The following DENND6B variants were observed in gnomAD, a reference collection of about 807,000 sequenced individuals.
DENND6B encodes the protein protein DENND6B.
DENND6B carries 73 observed loss-of-function variants against 85.1 expected under a neutral mutation model. The ratio of observed to expected loss-of-function variants is 0.86; its 90% CI spans 0.71 to 1.04. The LOEUF (loss-of-function observed/expected upper bound fraction) is 1.04. Among genes scored for constraint, DENND6B ranks in the 50% least tolerant of loss-of-function variants. DENND6B has a pLI of 0.00. For synonymous variants in DENND6B, 357 were observed against 329.3 expected, an observed-to-expected ratio of 1.08 and a Z score of -0.91; for missense variants, 715 against 785.8, an observed-to-expected ratio of 0.91 and a Z score of 1.08.
At chr22:50,323,959 A>C (rs552512297) in intron 1 of DENND6B, among the ~76,000 whole-genome samples, 1 of 152,096 alleles carries the variant, frequency 6.6e-6, no homozygotes, top group East Asian at 1.9e-4. Flanking sequence ...AGTCTGGAAC[A>C]CCTGGCCTCA....
Position 50,316,220 on chromosome 22 carries a change from G to A in DENND6B, c.593C>T (p.Ala198Val), listed in dbSNP as rs201514629. The A allele has an allele frequency of 5.1e-5, 82 of 1,609,608 alleles. No homozygotes were observed. In the African/African-American group the frequency reaches 8.8e-4, roughly 17 times the overall value. Reference protein sequence around the residue: ...CSEIDQWPAPAPGQTLNLPVM... With the variant: ...CSEIDQWPAPVPGQTLNLPVM... ...AGGTAGGTTCAGGGTCTGCCCAGGT[G>A]CAGGCGCCGGCCACTGGTCGATCTC... Residue 198 changes from alanine (A) to valine (V), a missense_variant, in exon 7 of 20, where the codon GCA becomes GTA. Transcript: ENST00000413817.
Position 50,312,378 on chromosome 22 carries a change from C to T in DENND6B, c.1600G>A (p.Val534Ile). The change falls in exon 19 of 20, where the codon GTC becomes ATC. Residue 534 changes from valine to isoleucine, a missense_variant. Val to Ile is a conservative substitution (Grantham distance 29). Transcript: ENST00000413817. ...CGAAGTTTCAGGACCAGGTCCACGA[C>T]CTCCACCTCGGACTTGTCTTTCATC... The part of the protein sequence containing the change: ...TWMKDKSEVE[V>I]VDLVLKLREK... 6.2e-7 allele frequency: 1 copy of T among 1,611,914 alleles called. No homozygotes were observed. The highest frequency in any genetic ancestry group is 8.5e-7 in the Non-Finnish European group (1 of 1,179,452).
intron 1 of DENND6B, among the ~76,000 whole-genome samples, chr22:50,326,516 G>A (rs2042193548): frequency 6.6e-6 from 1 of 152,254 alleles, no homozygotes; most frequent in Admixed American, 6.5e-5. Context: ...TCACTGCTCC[G>A]GTGGGGAATG....
chr22:50,318,854 C>G lies in DENND6B; in HGVS notation c.252G>C (p.Ser84=). The G allele has an allele frequency of 6.2e-7, 1 of 1,613,224 alleles. No homozygotes were observed. The change falls in exon 3 of 20, where the codon TCG becomes TCC. Residue 84 remains serine (S), a synonymous_variant. Coordinates refer to ENST00000413817, the MANE Select transcript of DENND6B (RefSeq NM_001001794.4). ...SSICYLSFPD[S]HSGCLGDTQF... Reference sequence around the variant, plus strand: ...AAAGGTGGGGTTGCCTACCTGAGTGCGAGTCGGGAAAAGACAGGTAGCAGA... The same window carrying G: ...AAAGGTGGGGTTGCCTACCTGAGTGGGAGTCGGGAAAAGACAGGTAGCAGA...
intron 1 of DENND6B, among the ~76,000 whole-genome samples, chr22:50,320,705 T>C (rs73439323): frequency 0.084 from 12,741 of 152,114 alleles, 1,147 homozygotes; most frequent in African/African-American, 0.23. Context: ...GCTGGAGATA[T>C]AGGGCCACTC....
chr22:50,317,386 T>C lies in DENND6B; in HGVS notation c.373-13A>G, dbSNP rs754715622. 1 of 1,612,426 alleles carries C rather than the reference T, an allele frequency of 6.2e-7. No homozygotes were observed. Among genetic ancestry groups the C allele is most frequent in the Non-Finnish European group, 8.5e-7 (1 of 1,179,500 alleles). ...GTGCCGGCTCCCTCTGCAAGGAGCA[T>C]GGTGTTAGCCAGCCACGCCCCACCC... On this transcript the variant is annotated splice_polypyrimidine_tract_variant and intron_variant, in intron 4 of 19. Transcript: ENST00000413817.
chr22:50,319,012 G>T lies in DENND6B; in HGVS notation c.178-9C>A. 6.3e-7 allele frequency: 1 copy of T among 1,592,964 alleles called. No homozygotes were observed. The highest frequency in any genetic ancestry group is 8.5e-7 in the Non-Finnish European group (1 of 1,170,016). ...TCGTTCGGATACACCAGCTGCAGAG[G>T]AAGACAGAGTGCTTGGTGACACCAT... On this transcript the variant is annotated splice_polypyrimidine_tract_variant and intron_variant, in intron 1 of 19. Transcript: ENST00000413817.
At position 50,312,422 on chromosome 22, in the gene DENND6B, A is replaced by C. The variant is rs1221194703; in HGVS notation, c.1561-5T>G. 8 of 1,609,684 alleles carry C rather than the reference A, an allele frequency of 5.0e-6. No homozygotes were observed. Among genetic ancestry groups the C allele is most frequent in the Non-Finnish European group, 6.8e-6 (8 of 1,178,474 alleles). Reference sequence around the variant, plus strand: ...TTTCATCCAGGTCTCGATGTTCTGCAGGGCAAGACGGGGTCTACTGTCAGC... The same window carrying C: ...TTTCATCCAGGTCTCGATGTTCTGCCGGGCAAGACGGGGTCTACTGTCAGC... On this transcript the variant is annotated splice_region_variant and splice_polypyrimidine_tract_variant and intron_variant, in intron 18 of 19. Coordinates refer to ENST00000413817, the MANE Select transcript of DENND6B (RefSeq NM_001001794.4).
intron 5 of DENND6B, chr22:50,317,073 G>A: frequency 3.3e-6 from 1 of 301,410 alleles, no homozygotes; most frequent in Middle Eastern, 1.0e-3. Context: ...GGGTGGGGGG[G>A]GGCGGCGAGG....
chr22:50,313,766 CA>C (rs764564144), intron 14 of DENND6B, 42 bp from the exon 15 acceptor site: 7 of 1,608,654 alleles, frequency 4.4e-6, no homozygotes, highest in African/African-American at 1.3e-5. Flanking sequence ...CGCTTCACAC[CA>C]CACCAGGCTC....
chr22:50,313,807 CAT>C lies in DENND6B; in HGVS notation c.1203+5_1203+6del, dbSNP rs1236873330. On this transcript the variant is annotated splice_donor_5th_base_variant and intron_variant, in intron 14 of 19. Transcript: ENST00000413817. The stretch of plus-strand genomic sequence containing the variant: ...CGTCCCCAGCCCCTGCCCCACAAAC[CAT>C]ATACCTTGAGCAGCCGTTTGAGCAG... 6.2e-7 allele frequency: 1 copy of C among 1,612,072 alleles called. No homozygotes were observed. The highest frequency in any genetic ancestry group is 1.7e-5 in the Admixed American group (1 of 59,978).
Position 50,311,812 on chromosome 22 carries a change from C to T in DENND6B, c.*327G>A, listed in dbSNP as rs1053158696. The T allele has an allele frequency of 3.7e-5, 14 of 380,972 alleles. No individual in the cohort carries two copies. The South Asian group carries it at 3.8e-4, about 10-fold the overall frequency. The allele number at this position is 380,972 out of a possible 1,614,324, so 23.6% of individuals were successfully genotyped here. On this transcript the variant is annotated 3_prime_UTR_variant, in exon 20 of 20. Coordinates refer to ENST00000413817, the MANE Select transcript of DENND6B (RefSeq NM_001001794.4). ...GGGGTCGGGGGCCAACAGATGGGCA[C>T]CGGGAGGGGCAGACGGTAGACGCAC...
intron 10 of DENND6B, 45 bp downstream of exon 10, chr22:50,314,754 C>T (rs955329979): frequency 4.9e-5 from 78 of 1,577,944 alleles, no homozygotes; most frequent in Non-Finnish European, 6.4e-5. Flanking sequence ...CAGGCACAGC[C>T]GCGATGGTCC....
Position 50,312,164 on chromosome 22 carries a change from A to T in DENND6B, c.1733T>A (p.Leu578Gln). ...ETVIGSLPKD[L>Q]QAVLCPP is the part of the protein sequence containing the mutation. ...CTAGGGAGGGCACAAGACAGCCTGC[A>T]GGTCTTTGGGCAGGGAGCCGATGAC... The change falls in exon 20 of 20, where the codon CTG (leucine) becomes CAG (glutamine). Residue 578 changes from leucine (L) to glutamine (Q), a missense_variant. Coordinates refer to ENST00000413817, the MANE Select transcript of DENND6B (RefSeq NM_001001794.4). 1.2e-6 allele frequency: 2 copies of T among 1,612,376 alleles called. No homozygotes were observed. The highest frequency in any genetic ancestry group is 1.7e-6 in the Non-Finnish European group (2 of 1,179,732).
At chr22:50,317,478 G>T in intron 4 of DENND6B, 105 bp from the exon 5 acceptor site, 2 of 1,307,034 alleles carry the variant, frequency 1.5e-6, no homozygotes, top group Non-Finnish European at 1.1e-6. Context: ...CAGATGGAAG[G>T]CTGGAGAACC....
At chr22:50,317,412 G>A (rs371680257) in intron 4 of DENND6B, 39 bp from the exon 5 acceptor site, 37 of 1,608,960 alleles carry the variant, frequency 2.3e-5, no homozygotes, top group African/African-American at 2.3e-4. Flanking sequence ...CGCCCCACCC[G>A]GACCACCTGG....
intron 1 of DENND6B, 37 bp downstream of exon 1, chr22:50,326,775 T>C: frequency 7.7e-7 from 1 of 1,298,808 alleles, no homozygotes; most frequent in Non-Finnish European, 9.9e-7. Context: ...GGCGCAGCCC[T>C]GCCCACCCGC....
chr22:50,316,234 C>A lies in DENND6B; in HGVS notation c.579G>T (p.Gln193His), dbSNP rs370799673. The change falls in exon 7 of 20, where the codon CAG (glutamine) becomes CAT (histidine). Residue 193 changes from glutamine to histidine, a missense_variant. By Grantham distance (24) the Gln-to-His change is conservative (BLOSUM62 0). Transcript: ENST00000413817. ...CLEAVCSEID[Q>H]WPAPAPGQTL... ...TCTGCCCAGGTGCAGGCGCCGGCCA[C>A]TGGTCGATCTCACTGCACACTGCGG... 5 of 1,607,988 alleles carry A rather than the reference C, an allele frequency of 3.1e-6. No individual in the cohort carries two copies. The African/African-American group carries it at 6.7e-5, about 21-fold the overall frequency.
Position 50,326,780 on chromosome 22 carries a change from ACCCGCCCGCGCC to A in DENND6B, c.177+20_177+31del. 3.2e-6 allele frequency: 4 copies of A among 1,265,616 alleles called. No individual in the cohort carries two copies. The highest frequency in any genetic ancestry group is 3.0e-6 in the Non-Finnish European group (3 of 985,874). The allele number at this position is 1,265,616 out of a possible 1,614,324, so 78.4% of individuals were successfully genotyped here. A position where few individuals can be genotyped will look rare whatever the true frequency, so the allele number is the denominator to read the frequency against. On this transcript the variant is annotated intron_variant, in intron 1 of 19. Coordinates refer to ENST00000413817, the MANE Select transcript of DENND6B (RefSeq NM_001001794.4). The stretch of plus-strand genomic sequence containing the variant: ...GGCCCCGAGAGGCGCAGCCCTGCCC[ACCCGCCCGCGCC>A]CGCGCTCGCGCCCGCTCACCTCCAG...
Sources: gnomAD v4.1 joint callset for allele counts (sites outside exome capture counted in the v4.1 genomes callset) on GRCh38, gnomAD v4.1.1 for gene constraint, MANE v1.5 for transcripts, NCBI Gene and HGNC (gene_info 2026-07-23, HGNC 2026-07-21) for gene names.